DIAPH2: variants seen among roughly 807,000 people sequenced by gnomAD.
DIAPH2 encodes the protein diaphanous related formin 2, also known as protein diaphanous homolog 2.
Under a neutral mutation model 92.7 loss-of-function variants are expected in DIAPH2, and 35 were observed. The observed-to-expected ratio is 0.38, with a 90% CI of 0.29 to 0.50. The LOEUF (loss-of-function observed/expected upper bound fraction) is 0.50. DIAPH2 is among the 20% of genes least tolerant of loss of function. DIAPH2 has a pLI of 0.94. For synonymous variants in DIAPH2, 301 were observed against 280.4 expected (o/e 1.07, Z -0.73); for missense variants, 701 against 819.5 (o/e 0.86, Z 1.77).
intron 20 of DIAPH2, among the ~76,000 whole-genome samples, chrX:97,104,419 C>T (rs1303404481): frequency 9.1e-6 from 1 of 109,592 alleles, no homozygotes; most frequent in East Asian, 2.9e-4. Context: ...AGAAAGTTCT[C>T]TCTGTGTCCC....
chrX:96,863,180 T>A lies in DIAPH2; in HGVS notation c.448-18399T>A, dbSNP rs185712851. Among the ~76,000 whole-genome samples the A allele has an allele frequency of 6.3e-3, 694 of 109,528 alleles. 2 individuals are homozygous for A. Among genetic ancestry groups the A allele is most frequent in the Non-Finnish European group, 9.5e-3 (502 of 52,638 alleles). On this transcript the variant is annotated intron_variant, in intron 4 of 26. Coordinates refer to ENST00000324765, the MANE Select transcript of DIAPH2 (RefSeq NM_006729.5). ...TTGAAAAGGTGCAAATCTTTCCTAG[T>A]TGAAGTAGGAGAGGCTGTACCTGCT...
At chrX:96,764,650 T>C (rs1447365869) in intron 4 of DIAPH2, among the ~76,000 whole-genome samples, 1 of 111,571 alleles carries the variant, frequency 9.0e-6, no homozygotes, top group Non-Finnish European at 1.9e-5. Context: ...CCAGGAAGAT[T>C]GTGATTCAGG....
intron 4 of DIAPH2, among the ~76,000 whole-genome samples, chrX:96,823,223 C>T (rs1285988823): frequency 9.0e-6 from 1 of 111,057 alleles, no homozygotes; most frequent in African/African-American, 3.3e-5. Flanking sequence ...TATATTCATG[C>T]CTAGCAATTC....
chrX:97,243,858 G>T (rs1297462647), intron 22 of DIAPH2, among the ~76,000 whole-genome samples: 3 of 111,528 alleles, frequency 2.7e-5, no homozygotes, highest in Non-Finnish European at 5.6e-5. Context: ...TGTGGAAGTA[G>T]ACATAAATTT....
At chrX:96,899,739 C>T (rs1026932611) in intron 5 of DIAPH2, among the ~76,000 whole-genome samples, 3 of 109,435 alleles carry the variant, frequency 2.7e-5, no homozygotes, top group Non-Finnish European at 5.7e-5. Flanking sequence ...TGCCTAATTG[C>T]CCTGGCCAGA....
At chrX:97,065,925 A>T (rs191829184) in intron 17 of DIAPH2, among the ~76,000 whole-genome samples, 26 of 112,307 alleles carry the variant, frequency 2.3e-4, no homozygotes, top group African/African-American at 8.1e-4. Flanking sequence ...ATTTTAAAAA[A>T]GTTGAAACAG....
chrX:97,367,534 ACT>A (rs747994054), intron 24 of DIAPH2, among the ~76,000 whole-genome samples: 120 of 110,939 alleles, frequency 1.1e-3, no homozygotes, highest in Non-Finnish European at 1.9e-3. Context: ...TTACAGACCA[ACT>A]CTCTGCTGTA....
intron 24 of DIAPH2, among the ~76,000 whole-genome samples, chrX:97,351,084 A>G (rs1216634663): frequency 3.6e-5 from 4 of 112,306 alleles, no homozygotes; most frequent in African/African-American, 9.7e-5. Context: ...TACCACTTCT[A>G]TCTACAAATC....
chrX:97,445,821 G>GT (rs1377711759), intron 26 of DIAPH2, among the ~76,000 whole-genome samples: 2 of 110,314 alleles, frequency 1.8e-5, no homozygotes, highest in African/African-American at 6.6e-5. Context: ...AAGAAAAACT[G>GT]GGGGGAAAAA....
At chrX:97,156,110 A>G (rs1265294358) in intron 22 of DIAPH2, among the ~76,000 whole-genome samples, 2 of 112,373 alleles carry the variant, frequency 1.8e-5, no homozygotes, top group Non-Finnish European at 3.8e-5. Flanking sequence ...TCCTGAAATA[A>G]GTGAGCCAAA....
At chrX:96,767,064 G>T (rs771428670) in intron 4 of DIAPH2, among the ~76,000 whole-genome samples, 81 of 111,217 alleles carry the variant, frequency 7.3e-4, no homozygotes, top group Non-Finnish European at 1.3e-3. Flanking sequence ...ATCTTGATCC[G>T]CTCTCCCATT....
At chrX:97,448,309 T>C (rs2070329879) in intron 26 of DIAPH2, among the ~76,000 whole-genome samples, 1 of 112,465 alleles carries the variant, frequency 8.9e-6, no homozygotes, top group South Asian at 3.7e-4. Context: ...CCTTTAATAA[T>C]GTCAAGATTT....
intron 4 of DIAPH2, among the ~76,000 whole-genome samples, chrX:96,831,391 ACT>A (rs1384138605): frequency 9.0e-6 from 1 of 111,543 alleles, no homozygotes; most frequent in Non-Finnish European, 1.9e-5. Context: ...AAAAGCATTG[ACT>A]CTGTAGCCAT....
At chrX:97,432,825 A>G (rs996192994) in intron 26 of DIAPH2, among the ~76,000 whole-genome samples, 10 of 107,746 alleles carry the variant, frequency 9.3e-5, no homozygotes, top group African/African-American at 3.4e-4. Flanking sequence ...GTTTTGCCCT[A>G]TTGCCCAGGC....
intron 5 of DIAPH2, among the ~76,000 whole-genome samples, chrX:96,893,948 A>C (rs2065324769): frequency 1.8e-5 from 2 of 112,398 alleles, no homozygotes; most frequent in African/African-American, 6.5e-5. Flanking sequence ...CCTGGTCAGC[A>C]AAGCTGTAAG....
At chrX:96,930,869 T>C (rs1028196898) in intron 10 of DIAPH2, 26 bp downstream of exon 10, 1 of 1,142,431 alleles carries the variant, frequency 8.8e-7, no homozygotes, top group African/African-American at 1.9e-5. Flanking sequence ...ACATTTATTA[T>C]GCTGATGAAT....
chrX:97,181,849 A>G (rs752721229), intron 22 of DIAPH2, among the ~76,000 whole-genome samples: 13 of 112,721 alleles, frequency 1.2e-4, no homozygotes, highest in African/African-American at 3.2e-4. Context: ...CACTTTACAG[A>G]TTGCAAGCAA....
At chrX:97,420,102 C>G (rs1179449165) in intron 25 of DIAPH2, among the ~76,000 whole-genome samples, 1 of 111,344 alleles carries the variant, frequency 9.0e-6, no homozygotes, top group Non-Finnish European at 1.9e-5. Flanking sequence ...ATTTTCATCT[C>G]TCAATCTTCT....
chrX:97,215,887 T>A (rs1192310539), intron 22 of DIAPH2, among the ~76,000 whole-genome samples: 1 of 112,390 alleles, frequency 8.9e-6, no homozygotes. Context: ...AAATGCTTTG[T>A]TTCTAAAGAT....
Sources: gnomAD v4.1 joint callset for allele counts (sites outside exome capture counted in the v4.1 genomes callset) on GRCh38, gnomAD v4.1.1 for gene constraint, MANE v1.5 for transcripts, NCBI Gene and HGNC (gene_info 2026-07-23, HGNC 2026-07-21) for gene names.